TCF12: variants seen among roughly 807,000 people sequenced by gnomAD.
TCF12 encodes DNA-binding protein HTF4.
TCF12 carries 45 observed loss-of-function variants against 86.0 expected under a neutral mutation model. That is an observed-to-expected ratio of 0.52 (90% CI 0.41 to 0.67). The LOEUF (loss-of-function observed/expected upper bound fraction) is 0.67. TCF12 is among the 30% of genes least tolerant of loss of function. The pLI, the probability that TCF12 is intolerant of heterozygous loss-of-function variation, is 0.00. For synonymous variants in TCF12, 330 were observed against 299.6 expected (o/e 1.10, Z -1.05); for missense variants, 881 against 859.9 (o/e 1.02, Z -0.31).
chr15:57,208,121 C>T (rs2057924477), intron 8 of TCF12, among the ~76,000 whole-genome samples: 1 of 151,368 alleles, frequency 6.6e-6, no homozygotes. Flanking sequence ...GCAACTTCCA[C>T]CTCCCGGGTT....
At chr15:57,170,737 A>ATATATTATATATAAC (rs1567559372) in intron 6 of TCF12, among the ~76,000 whole-genome samples, 1 of 24,842 alleles carries the variant, frequency 4.0e-5, no homozygotes, top group African/African-American at 1.1e-4. Context: ...TATTATATAT[A>ATATATTATATATAAC]ATATATATTA....
intron 8 of TCF12, among the ~76,000 whole-genome samples, chr15:57,228,464 A>G (rs1026705095): frequency 6.6e-6 from 1 of 151,966 alleles, no homozygotes; most frequent in South Asian, 2.1e-4. Context: ...TTAAAAGTCC[A>G]TTGTTTTCAA....
chr15:56,955,902 T>G (rs73411273), intron 3 of TCF12, among the ~76,000 whole-genome samples: 78 of 152,292 alleles, frequency 5.1e-4, no homozygotes, highest in African/African-American at 1.8e-3. Context: ...CTTTACATAT[T>G]TTGAATCTCT....
At position 57,170,722 on chromosome 15, in the gene TCF12, T is replaced by TATTA. The variant is rs1427301623; in HGVS notation, c.390+4256_390+4257insATTA. 6.5e-3 allele frequency among the ~76,000 whole-genome samples: 168 copies of TATTA among 25,856 alleles called. 2 individuals carry two copies. Among genetic ancestry groups the TATTA allele is most frequent in the South Asian group, 0.013 (16 of 1,238 alleles). 17.0% of individuals were successfully genotyped at this position (25,856 alleles called of 152,430 possible). A position where few individuals can be genotyped will look rare whatever the true frequency, so the allele number is the denominator to read the frequency against. ...TTATATATAATATATAATATATATATTATATATTATATATAATATATATTA... is the reference window on the plus strand; with the variant it reads ...TTATATATAATATATAATATATATATATTATATATATTATATATAATATATATTA... On this transcript the variant is annotated intron_variant, in intron 6 of 20. Coordinates refer to ENST00000333725, the MANE Select transcript of TCF12 (RefSeq NM_207037.2).
chr15:56,983,750 C>T (rs947351978), intron 3 of TCF12, among the ~76,000 whole-genome samples: 1 of 151,722 alleles, frequency 6.6e-6, no homozygotes, highest in Non-Finnish European at 1.5e-5. Context: ...CCTGTAATCC[C>T]AGTGCTTTGG....
At chr15:57,038,613 G>A (rs1296780682) in intron 3 of TCF12, among the ~76,000 whole-genome samples, 1 of 152,068 alleles carries the variant, frequency 6.6e-6, no homozygotes, top group Non-Finnish European at 1.5e-5. Flanking sequence ...GCCAAAGCAT[G>A]TCCTTCATTT....
At chr15:57,222,729 A>G (rs1259315049) in intron 8 of TCF12, among the ~76,000 whole-genome samples, 1 of 150,190 alleles carries the variant, frequency 6.7e-6, no homozygotes, top group African/African-American at 2.4e-5. Context: ...CAAAGGAAAG[A>G]AAAGTTTTGG....
At chr15:57,193,496 A>G (rs1470356093) in intron 7 of TCF12, among the ~76,000 whole-genome samples, 2 of 152,216 alleles carry the variant, frequency 1.3e-5, no homozygotes, top group African/African-American at 4.8e-5. Flanking sequence ...AGCAAGCCTT[A>G]GGTATTCTCT....
At chr15:56,995,724 T>G (rs1056180885) in intron 3 of TCF12, among the ~76,000 whole-genome samples, 4 of 152,126 alleles carry the variant, frequency 2.6e-5, no homozygotes, top group Non-Finnish European at 5.9e-5. Flanking sequence ...AGGTATAGAA[T>G]CATGTAGTCC....
At position 57,142,553 on chromosome 15, in the gene TCF12, C is replaced by A. The variant is rs1276721944; in HGVS notation, c.326-23849C>A. Among the ~76,000 whole-genome samples, 4 of 145,450 alleles carry A rather than the reference C, an allele frequency of 2.8e-5. No homozygotes were observed. The East Asian group carries it at 6.1e-4, about 22-fold the overall frequency. ...TAGTGATAGTAATAGATTTATAATTCTTTGAATAAAGTAGGAAACTATAAG... is the reference window on the plus strand; with the variant it reads ...TAGTGATAGTAATAGATTTATAATTATTTGAATAAAGTAGGAAACTATAAG... On this transcript the variant is annotated intron_variant, in intron 5 of 20. Transcript: ENST00000333725.
Position 57,251,340 on chromosome 15 carries a change from GT to G in TCF12, c.1115-6del. 6.2e-7 allele frequency: 1 copy of G among 1,613,776 alleles called. No individual in the cohort carries two copies. The highest frequency in any genetic ancestry group is 1.1e-5 in the South Asian group (1 of 91,060). ...AACCCAGGTGTGTGGCTACTTTTGG[GT>G]TTTAACAGGTACCAGTCAGTGGCCA... On this transcript the variant is annotated splice_polypyrimidine_tract_variant and intron_variant, in intron 13 of 20. Transcript: ENST00000333725.
At chr15:57,153,829 T>C (rs944409953) in intron 5 of TCF12, among the ~76,000 whole-genome samples, 5 of 151,514 alleles carry the variant, frequency 3.3e-5, no homozygotes, top group African/African-American at 9.7e-5. Flanking sequence ...CCAGACCAGC[T>C]GGGGCAACAT....
intron 3 of TCF12, among the ~76,000 whole-genome samples, chr15:57,028,155 A>T (rs1323381336): frequency 6.6e-6 from 1 of 151,998 alleles, no homozygotes; most frequent in African/African-American, 2.4e-5. Context: ...GTAAGTAGAG[A>T]CGGGGTTTCG....
intron 3 of TCF12, among the ~76,000 whole-genome samples, chr15:56,953,984 G>A (rs1424113618): frequency 6.7e-5 from 10 of 148,612 alleles, no homozygotes; most frequent in African/African-American, 2.5e-4. Flanking sequence ...GTTGTTTTCT[G>A]GTTTGAGGTA....
chr15:57,011,692 A>C (rs950516903), intron 3 of TCF12, among the ~76,000 whole-genome samples: 1 of 152,082 alleles, frequency 6.6e-6, no homozygotes, highest in Non-Finnish European at 1.5e-5. Flanking sequence ...TGCAGACACC[A>C]AAACAGTCCT....
intron 6 of TCF12, among the ~76,000 whole-genome samples, chr15:57,184,753 A>G (rs1237888501): frequency 6.6e-6 from 1 of 152,190 alleles, no homozygotes; most frequent in African/African-American, 2.4e-5. Context: ...TGAGCAAAAT[A>G]AAAGAAGGAA....
intron 16 of TCF12, among the ~76,000 whole-genome samples, chr15:57,257,019 C>G (rs1049555526): frequency 4.6e-5 from 7 of 152,188 alleles, no homozygotes; most frequent in African/African-American, 1.7e-4. Flanking sequence ...TGTATAGTCT[C>G]TGTCACAACT....
chr15:57,221,500 A>C (rs2058595298), intron 8 of TCF12, among the ~76,000 whole-genome samples: 1 of 151,338 alleles, frequency 6.6e-6, no homozygotes. Context: ...TTTGGAAAGC[A>C]CAGGTTACTG....
chr15:57,068,585 A>G (rs1596371380), intron 4 of TCF12, among the ~76,000 whole-genome samples: 1 of 152,214 alleles, frequency 6.6e-6, no homozygotes, highest in African/African-American at 2.4e-5. Context: ...TCTCTCTAGT[A>G]TAACACCTTA....
Sources: allele counts gnomAD v4.1 joint callset (sites outside exome capture counted in the v4.1 genomes callset), GRCh38; gene constraint gnomAD v4.1.1; transcripts MANE v1.5; gene names NCBI Gene and HGNC (gene_info 2026-07-23, HGNC 2026-07-21).